Variants in LARGE1 observed in about 807,000 individuals in gnomAD.
LARGE1 encodes xylosyl- and glucuronyltransferase LARGE1.
LARGE1 carries 43 observed loss-of-function variants against 87.6 expected under a neutral mutation model. The observed-to-expected ratio is 0.49, with a 90% CI of 0.38 to 0.63. LARGE1 has a LOEUF of 0.63. Among genes scored for constraint, LARGE1 ranks in the 30% least tolerant of loss-of-function variants. The pLI is 0.00. For synonymous variants in LARGE1, 434 were observed against 394.6 expected (o/e 1.10, Z -1.18); for missense variants, 802 against 1,000.2 (o/e 0.80, Z 2.67).
chr22:33,906,038 G>A (rs151037628), intron 1 of LARGE1, among the ~76,000 whole-genome samples: 2 of 152,194 alleles, frequency 1.3e-5, no homozygotes, highest in African/African-American at 2.4e-5. Context: ...GCTGAGACAG[G>A]AGAATTGCTT....
rs57062704 is a variant in LARGE1 at position 33,564,771 on chromosome 22, TAA to T, written c.787+75_787+76del. 6.0e-6 allele frequency: 9 copies of T among 1,508,832 alleles called. No homozygotes were observed. The African/African-American group carries it at 1.2e-4, about 21-fold the overall frequency. The allele number at this position is 1,508,832 out of a possible 1,614,324, so 93.5% of individuals were successfully genotyped here. Reference sequence around the variant, plus strand: ...CTCATTCGAGGAGACCTCACCTTTTTAAAAAAGTCAACCCCTATTCTTGGCAT... The same window carrying T: ...CTCATTCGAGGAGACCTCACCTTTTTAAAAGTCAACCCCTATTCTTGGCAT... On this transcript the variant is annotated intron_variant, in intron 6 of 14. Coordinates refer to ENST00000397394, the MANE Select transcript of LARGE1 (RefSeq NM_133642.5).
intron 1 of LARGE1, among the ~76,000 whole-genome samples, chr22:33,822,576 T>C (rs1018102033): frequency 6.6e-6 from 1 of 152,016 alleles, no homozygotes; most frequent in Non-Finnish European, 1.5e-5. Context: ...CAGACGTCTG[T>C]AATCCCAGCT....
At chr22:33,838,423 T>C (rs1254177203) in intron 1 of LARGE1, among the ~76,000 whole-genome samples, 1 of 152,154 alleles carries the variant, frequency 6.6e-6, no homozygotes, top group Non-Finnish European at 1.5e-5. Context: ...AAGATTCCTT[T>C]AGGCCAAGAG....
intron 6 of LARGE1, among the ~76,000 whole-genome samples, chr22:33,487,100 T>G (rs1320506814): frequency 6.6e-6 from 1 of 152,054 alleles, no homozygotes; most frequent in Non-Finnish European, 1.5e-5. Context: ...GGAGCAAGCT[T>G]CCCGCCCCAA....
At chr22:33,342,625 ATGGT>A (rs1335265232) in intron 9 of LARGE1, among the ~76,000 whole-genome samples, 4 of 152,176 alleles carry the variant, frequency 2.6e-5, no homozygotes, top group African/African-American at 9.6e-5. Context: ...CCAACATCAC[ATGGT>A]GAGTCTGTGC....
intron 11 of LARGE1, among the ~76,000 whole-genome samples, chr22:33,213,911 C>T (rs1269217661): frequency 6.6e-6 from 1 of 152,106 alleles, no homozygotes; most frequent in Non-Finnish European, 1.5e-5. Context: ...TCACTGCAGG[C>T]TCCGCCTCCC....
intron 6 of LARGE1, among the ~76,000 whole-genome samples, chr22:33,515,778 A>G (rs921277444): frequency 2.0e-5 from 3 of 152,168 alleles, no homozygotes; most frequent in African/African-American, 7.2e-5. Context: ...AATGATGAAC[A>G]CTGGCAGGAA....
chr22:33,719,982 G>C (rs2083046140), intron 2 of LARGE1, among the ~76,000 whole-genome samples: 1 of 152,182 alleles, frequency 6.6e-6, no homozygotes, highest in African/African-American at 2.4e-5. Context: ...TTTGGTACCA[G>C]GTACCGGTTT....
At chr22:33,524,220 G>C (rs975436630) in intron 6 of LARGE1, among the ~76,000 whole-genome samples, 2 of 151,482 alleles carry the variant, frequency 1.3e-5, no homozygotes, top group African/African-American at 4.9e-5. Flanking sequence ...GAACCCAGGA[G>C]GCAGAGGTTG....
At chr22:33,814,134 C>A (rs556460508) in intron 1 of LARGE1, among the ~76,000 whole-genome samples, 1 of 152,070 alleles carries the variant, frequency 6.6e-6, no homozygotes, top group Admixed American at 6.6e-5. Flanking sequence ...CACTCTTGTT[C>A]GACCATTTCA....
chr22:33,499,678 T>TAGGC (rs3833920), intron 6 of LARGE1, among the ~76,000 whole-genome samples: 44,049 of 152,076 alleles, frequency 0.29, 6,751 homozygotes, highest in African/African-American at 0.37. Context: ...TATTGACTTA[T>TAGGC]AGGCATGAGG....
intron 5 of LARGE1, among the ~76,000 whole-genome samples, chr22:33,590,407 AT>A (rs2078801920): frequency 6.6e-6 from 1 of 152,216 alleles, no homozygotes; most frequent in Non-Finnish European, 1.5e-5. Flanking sequence ...ATGTTTATGC[AT>A]TCTTCGAGAA....
rs534487678 is a variant in LARGE1 at position 33,496,176 on chromosome 22, C to T, written c.788-63911G>A. Among the ~76,000 whole-genome samples the T allele has an allele frequency of 7.2e-5, 11 of 152,268 alleles. 1 individual carries two copies. In the South Asian group the frequency reaches 1.9e-3, roughly 26 times the overall value. On this transcript the variant is annotated intron_variant, in intron 6 of 14. Transcript: ENST00000397394. Reference sequence around the variant, plus strand: ...AGACTAAACTAGTCTAGTCTTTCCACGTTCTTCTGCCTGCTTTTATTCCGG... The same window carrying T: ...AGACTAAACTAGTCTAGTCTTTCCATGTTCTTCTGCCTGCTTTTATTCCGG...
intron 1 of LARGE1, among the ~76,000 whole-genome samples, chr22:33,913,192 A>G (rs954347673): frequency 6.6e-6 from 1 of 152,200 alleles, no homozygotes; most frequent in Admixed American, 6.5e-5. Context: ...CAAGCAGAAC[A>G]AAATGAATTC....
At chr22:33,080,829 C>T in the LARGE1 span, among the ~76,000 whole-genome samples, 1 of 152,132 alleles carries the variant, frequency 6.6e-6, no homozygotes, top group Admixed American at 6.5e-5. Context: ...CACTGAACCT[C>T]GGTTCAGTTT....
intron 10 of LARGE1, among the ~76,000 whole-genome samples, chr22:33,325,212 T>C (rs1226709029): frequency 6.6e-6 from 1 of 152,202 alleles, no homozygotes; most frequent in East Asian, 1.9e-4. Context: ...AACACATGTA[T>C]TTCACATGGT....
At chr22:33,141,510 T>C in the LARGE1 span, among the ~76,000 whole-genome samples, 37 of 152,056 alleles carry the variant, frequency 2.4e-4, no homozygotes, top group Non-Finnish European at 4.4e-4. Flanking sequence ...ATAGTTACAG[T>C]TATATACGTA....
intron 1 of LARGE1, among the ~76,000 whole-genome samples, chr22:33,918,525 G>C (rs1019310898): frequency 2.6e-5 from 4 of 152,138 alleles, no homozygotes; most frequent in Non-Finnish European, 5.9e-5. Context: ...GAACAATAAA[G>C]GTACACTAAG....
intron 1 of LARGE1, among the ~76,000 whole-genome samples, chr22:33,883,468 GC>G (rs1201859394): frequency 6.6e-6 from 1 of 152,142 alleles, no homozygotes; most frequent in African/African-American, 2.4e-5. Context: ...CCCTGTTTCA[GC>G]CTTTGCTACC....
Sources: gnomAD v4.1 joint callset for allele counts (sites outside exome capture counted in the v4.1 genomes callset) on GRCh38, gnomAD v4.1.1 for gene constraint, MANE v1.5 for transcripts, NCBI Gene and HGNC (gene_info 2026-07-23, HGNC 2026-07-21) for gene names.